Variants in PCCA observed in about 807,000 individuals in gnomAD.
PCCA encodes propionyl-CoA carboxylase alpha chain, mitochondrial.
PCCA carries 74 observed loss-of-function variants against 101.3 expected under a neutral mutation model. The ratio of observed to expected loss-of-function variants is 0.73; its 90% CI spans 0.61 to 0.89. PCCA has a LOEUF of 0.89. Among genes scored for constraint, PCCA ranks in the 40% least tolerant of loss-of-function variants. The probability of loss-of-function intolerance (pLI) is 0.00; values close to 1 mark genes in which losing one functional copy is unlikely to be tolerated. For synonymous variants in PCCA, 294 were observed against 313.6 expected (o/e 0.94, Z 0.66); for missense variants, 891 against 907.0 (o/e 0.98, Z 0.23).
intron 19 of PCCA, among the ~76,000 whole-genome samples, chr13:100,407,778 T>TA (rs1438305743): frequency 2.6e-5 from 4 of 152,242 alleles, no homozygotes; most frequent in Non-Finnish European, 5.9e-5. Flanking sequence ...TTACTGTTCT[T>TA]ACATACCTTG....
chr13:100,487,249 A>G (rs1292680842), intron 21 of PCCA, among the ~76,000 whole-genome samples: 1 of 152,224 alleles, frequency 6.6e-6, no homozygotes, highest in African/African-American at 2.4e-5. Context: ...GAACTGAAGC[A>G]GTGTTATTAC....
intron 16 of PCCA, among the ~76,000 whole-genome samples, chr13:100,324,826 G>A (rs1026367463): frequency 1.3e-5 from 2 of 152,170 alleles, no homozygotes; most frequent in Non-Finnish European, 2.9e-5. Flanking sequence ...TGTGTGATCA[G>A]TTCTCTCTCC....
intron 6 of PCCA, among the ~76,000 whole-genome samples, chr13:100,191,364 G>C (rs2057730348): frequency 6.6e-6 from 1 of 152,192 alleles, no homozygotes. Flanking sequence ...AGGAAGGCTG[G>C]GAGGCCTCAG....
At chr13:100,247,811 C>T (rs1000955460) in intron 8 of PCCA, among the ~76,000 whole-genome samples, 6 of 152,112 alleles carry the variant, frequency 3.9e-5, no homozygotes, top group Non-Finnish European at 8.8e-5. Flanking sequence ...TCACCACATC[C>T]AGCCTTTTTG....
chr13:100,526,719 G>T (rs2277436), intron 22 of PCCA, among the ~76,000 whole-genome samples: 6,599 of 152,340 alleles, frequency 0.043, 438 homozygotes, highest in African/African-American at 0.14. Context: ...AAACCTGGCC[G>T]GCTCAGGACG....
At chr13:100,165,560 T>C (rs150460990) in intron 6 of PCCA, among the ~76,000 whole-genome samples, 17 of 152,338 alleles carry the variant, frequency 1.1e-4, no homozygotes, top group Non-Finnish European at 2.1e-4. Context: ...TGAAGAATTG[T>C]ACTACTACAA....
At chr13:100,309,685 T>C (rs2066751222) in intron 15 of PCCA, 148 bp from the exon 16 acceptor site, 1 of 548,358 alleles carries the variant, frequency 1.8e-6, no homozygotes, top group Admixed American at 3.1e-5. Flanking sequence ...AAAATCATAA[T>C]TGACATGTAT....
At chr13:100,385,143 T>A (rs1416690368) in intron 19 of PCCA, among the ~76,000 whole-genome samples, 18 of 152,184 alleles carry the variant, frequency 1.2e-4, no homozygotes, top group Admixed American at 1.2e-3. Flanking sequence ...AAATACCTTA[T>A]TTTCTGTGAA....
chr13:100,393,406 T>C (rs1251344360), intron 19 of PCCA, among the ~76,000 whole-genome samples: 2 of 149,986 alleles, frequency 1.3e-5, no homozygotes, highest in Admixed American at 6.7e-5. Flanking sequence ...TTTTATTAAC[T>C]ACTGAAGAGT....
chr13:100,455,482 G>A (rs1291040706), intron 21 of PCCA, among the ~76,000 whole-genome samples: 1 of 152,118 alleles, frequency 6.6e-6, no homozygotes, highest in Non-Finnish European at 1.5e-5. Context: ...GGAATCATCT[G>A]TGACTTGGTG....
intron 21 of PCCA, among the ~76,000 whole-genome samples, chr13:100,451,108 T>C (rs1046280808): frequency 6.6e-6 from 1 of 152,168 alleles, no homozygotes; most frequent in South Asian, 2.1e-4. Flanking sequence ...CCCTCCTTGC[T>C]TGGGGAGGTC....
At chr13:100,399,770 A>G (rs1595749786) in intron 19 of PCCA, among the ~76,000 whole-genome samples, 1 of 152,332 alleles carries the variant, frequency 6.6e-6, no homozygotes, top group East Asian at 1.9e-4. Flanking sequence ...TCATTCTTCA[A>G]TGAATAGAAA....
chr13:100,522,738 G>A (rs927346876), intron 22 of PCCA, among the ~76,000 whole-genome samples: 4 of 152,196 alleles, frequency 2.6e-5, no homozygotes, highest in Non-Finnish European at 5.9e-5. Context: ...CAGCCCATTA[G>A]AAGGGCCTCC....
chr13:100,153,795 A>G, intron 4 of PCCA, among the ~76,000 whole-genome samples: 1 of 152,290 alleles, frequency 6.6e-6, no homozygotes, highest in Middle Eastern at 3.4e-3. Flanking sequence ...GAATGTATAT[A>G]TTTGGATATT....
intron 21 of PCCA, among the ~76,000 whole-genome samples, chr13:100,477,602 T>C (rs1192046381): frequency 6.6e-6 from 1 of 152,170 alleles, no homozygotes; most frequent in African/African-American, 2.4e-5. Context: ...GAAATAATTG[T>C]TTAAATCATC....
chr13:100,191,812 G>C (rs192734489), intron 6 of PCCA, among the ~76,000 whole-genome samples: 49 of 152,318 alleles, frequency 3.2e-4, no homozygotes, highest in African/African-American at 1.1e-3. Context: ...TCATTCTGCT[G>C]AGATTTTACG....
intron 4 of PCCA, among the ~76,000 whole-genome samples, chr13:100,132,780 AT>A (rs1367818410): frequency 3.4e-4 from 50 of 148,196 alleles, no homozygotes; most frequent in Non-Finnish European, 4.3e-4. Context: ...TCTTGTCAGT[AT>A]TTTTTTTTTT....
chr13:100,389,611 T>C (rs148441244), intron 19 of PCCA, among the ~76,000 whole-genome samples: 1 of 152,156 alleles, frequency 6.6e-6, no homozygotes, highest in African/African-American at 2.4e-5. Flanking sequence ...CATGTATCCC[T>C]GAATGTAAAA....
chr13:100,428,326 C>G (rs1252892969), intron 20 of PCCA, among the ~76,000 whole-genome samples: 2 of 129,060 alleles, frequency 1.5e-5, no homozygotes, highest in African/African-American at 3.2e-5. Flanking sequence ...CCTCCCCGAC[C>G]CCCCCTACCC....
Sources: allele counts gnomAD v4.1 joint callset (sites outside exome capture counted in the v4.1 genomes callset), GRCh38; gene constraint gnomAD v4.1.1; transcripts MANE v1.5; gene names NCBI Gene and HGNC (gene_info 2026-07-23, HGNC 2026-07-21).